The following MUSK variants were observed in gnomAD, a reference collection of about 807,000 sequenced individuals.
MUSK encodes muscle, skeletal receptor tyrosine-protein kinase.
In MUSK, 55 loss-of-function variants were observed where a neutral mutation model predicts 88.7. That is an observed-to-expected ratio of 0.62 (90% CI 0.50 to 0.78). The LOEUF is 0.78. Among genes scored for constraint, MUSK ranks in the 30% least tolerant of loss-of-function variants. The probability of loss-of-function intolerance (pLI) is 0.00; values close to 1 mark genes in which losing one functional copy is unlikely to be tolerated. For missense variants in MUSK, 1,015 were observed against 1,074.3 expected, an observed-to-expected ratio of 0.94 and a Z score of 0.77; for synonymous variants, 387 against 391.9, an observed-to-expected ratio of 0.99 and a Z score of 0.15.
At chr9:110,757,281 A>G (rs1212444523) in intron 7 of MUSK, among the ~76,000 whole-genome samples, 1 of 152,024 alleles carries the variant, frequency 6.6e-6, no homozygotes, top group East Asian at 1.9e-4. Context: ...CAACATGGTG[A>G]TACCCCATCT....
chr9:110,709,469 A>G (rs935119822), intron 5 of MUSK, among the ~76,000 whole-genome samples: 6 of 152,132 alleles, frequency 3.9e-5, no homozygotes, highest in African/African-American at 1.4e-4. Context: ...CAGTTTCCCT[A>G]CTTGTAAAAT....
chr9:110,787,871 T>C (rs367567268), intron 14 of MUSK, 33 bp downstream of exon 14: 16 of 1,589,790 alleles, frequency 1.0e-5, no homozygotes, highest in Non-Finnish European at 1.4e-5. Context: ...ATGTATTTCA[T>C]CAGAAAACAG....
intron 1 of MUSK, among the ~76,000 whole-genome samples, chr9:110,675,985 G>A (rs114127431): frequency 1.3e-3 from 203 of 152,102 alleles, no homozygotes; most frequent in African/African-American, 4.8e-3. Context: ...ATATCTAGAT[G>A]ATTATACTAT....
chr9:110,689,672 ATTATATATAACTATATATAG>A (rs2076267353), intron 3 of MUSK, among the ~76,000 whole-genome samples: 1 of 8,646 alleles, frequency 1.2e-4, no homozygotes, highest in African/African-American at 6.8e-4. Context: ...TACATAGTAT[ATTATATATAACTATATATAG>A]TTATATATAA....
At chr9:110,684,028 G>C (rs1251611789) in intron 2 of MUSK, among the ~76,000 whole-genome samples, 1 of 151,956 alleles carries the variant, frequency 6.6e-6, no homozygotes, top group East Asian at 1.9e-4. Context: ...GCCTATGCCT[G>C]TGGGTATCTC....
intron 2 of MUSK, among the ~76,000 whole-genome samples, chr9:110,685,493 G>T (rs895174130): frequency 3.3e-5 from 5 of 152,018 alleles, no homozygotes; most frequent in Non-Finnish European, 5.9e-5. Context: ...AAATGAGGCC[G>T]CAGCTTCGAC....
chr9:110,798,971 T>G (rs3780529), intron 14 of MUSK, among the ~76,000 whole-genome samples: 14,818 of 152,112 alleles, frequency 0.097, 935 homozygotes, highest in South Asian at 0.18. Flanking sequence ...TTTTCCAGTA[T>G]AAGAAATTAT....
chr9:110,709,188 A>G (rs1298979436), intron 5 of MUSK, among the ~76,000 whole-genome samples: 1 of 152,232 alleles, frequency 6.6e-6, no homozygotes, highest in Non-Finnish European at 1.5e-5. Context: ...GGCAAGAAGG[A>G]GTTCAAGTAA....
chr9:110,713,889 G>T (rs1157394018), intron 5 of MUSK, among the ~76,000 whole-genome samples: 2 of 152,138 alleles, frequency 1.3e-5, no homozygotes, highest in Admixed American at 6.6e-5. Flanking sequence ...AGTAAACTAA[G>T]ATTTTGATAA....
At chr9:110,728,328 C>T (rs535600264) in intron 5 of MUSK, 33 of 213,548 alleles carry the variant, frequency 1.5e-4, no homozygotes, top group East Asian at 8.3e-4. Context: ...AAGGGGGGAA[C>T]GCAATGTATG....
chr9:110,746,310 TA>T (rs200813934), intron 6 of MUSK, among the ~76,000 whole-genome samples: 5 of 152,022 alleles, frequency 3.3e-5, no homozygotes, highest in Admixed American at 1.3e-4. Flanking sequence ...AACCACCATT[TA>T]AAAAAAATGC....
chr9:110,709,899 C>T (rs1194612118), intron 5 of MUSK, among the ~76,000 whole-genome samples: 1 of 152,052 alleles, frequency 6.6e-6, no homozygotes, highest in African/African-American at 2.4e-5. Context: ...AATCCCAGCC[C>T]TTTGGGAGGC....
intron 5 of MUSK, among the ~76,000 whole-genome samples, chr9:110,726,764 T>C (rs2076889922): frequency 6.6e-6 from 1 of 152,070 alleles, no homozygotes; most frequent in South Asian, 2.1e-4. Flanking sequence ...TTGTTTTGTT[T>C]TGTTTGTTTG....
chr9:110,728,360 C>T (rs780086256), intron 5 of MUSK: 1 of 291,098 alleles, frequency 3.4e-6, no homozygotes, highest in Non-Finnish European at 6.4e-6. Flanking sequence ...CACTCTGTAG[C>T]CTTGAAAGAA....
chr9:110,722,844 C>T (rs190755704), intron 5 of MUSK, among the ~76,000 whole-genome samples: 97 of 152,122 alleles, frequency 6.4e-4, no homozygotes, highest in African/African-American at 1.7e-3. Flanking sequence ...CGTGATATCA[C>T]CTTACTCCTG....
At chr9:110,712,300 G>A (rs975320322) in intron 5 of MUSK, among the ~76,000 whole-genome samples, 1 of 151,994 alleles carries the variant, frequency 6.6e-6, no homozygotes, top group African/African-American at 2.4e-5. Context: ...ATGTATCTTA[G>A]AATCCAATTT....
rs866093936 is a variant in MUSK at position 110,690,538 on chromosome 9, A to G, written c.358+3270A>G. ...TATATATTTAAATATAAGTATATAT[A>G]TAAATATATATTTAAATATAAGTAT... On this transcript the variant is annotated intron_variant, in intron 3 of 14. Transcript: ENST00000374448. Among the ~76,000 whole-genome samples, 236 of 94,236 alleles carry G rather than the reference A, an allele frequency of 2.5e-3. 2 individuals are homozygous for G. Among genetic ancestry groups the G allele is most frequent in the African/African-American group, 0.012 (226 of 19,500 alleles). The allele number at this position is 94,236 out of a possible 152,430, so 61.8% of individuals were successfully genotyped here.
chr9:110,762,191 C>T lies in MUSK; in HGVS notation c.914-11C>T, dbSNP rs1442624333. 5.5e-6 allele frequency: 8 copies of T among 1,443,218 alleles called. No individual in the cohort carries two copies. The highest frequency in any genetic ancestry group is 7.3e-6 in the Non-Finnish European group (8 of 1,093,250). 89.4% of individuals were successfully genotyped at this position (1,443,218 alleles called of 1,614,324 possible). ...TTGACTTCCTGTGGGAACTTCCTTT[C>T]CTGTTAATAGAATGGAGGTAAGAAA... On this transcript the variant is annotated splice_polypyrimidine_tract_variant and intron_variant, in intron 7 of 14. Coordinates refer to ENST00000374448, the MANE Select transcript of MUSK (RefSeq NM_005592.4).
At chr9:110,690,616 AAATATAAGT>A (rs1859957384) in intron 3 of MUSK, among the ~76,000 whole-genome samples, 1 of 26,702 alleles carries the variant, frequency 3.7e-5, no homozygotes, top group Admixed American at 7.0e-4. Flanking sequence ...ATATATATTT[AAATATAAGT>A]ATATATATAA....
Sources: allele counts gnomAD v4.1 joint callset (sites outside exome capture counted in the v4.1 genomes callset), GRCh38; gene constraint gnomAD v4.1.1; transcripts MANE v1.5; gene names NCBI Gene and HGNC (gene_info 2026-07-23, HGNC 2026-07-21).